ANK1: variants seen among roughly 807,000 people sequenced by gnomAD.
ANK1 encodes the protein ankyrin-1.
ANK1 carries 51 observed loss-of-function variants against 210.4 expected under a neutral mutation model. The ratio of observed to expected loss-of-function variants is 0.24; its 90% CI spans 0.19 to 0.31. The LOEUF is 0.31. Ranked by LOEUF, ANK1 falls within the 10% of genes least tolerant of loss-of-function variation. The pLI, the probability that ANK1 is intolerant of heterozygous loss-of-function variation, is 1.00. For synonymous variants in ANK1, 967 were observed against 1,025.9 expected (o/e 0.94, Z 1.10); for missense variants, 2,051 against 2,504.4 (o/e 0.82, Z 3.86).
In ANK1 at chr8:41,832,066, G is replaced by A. The variant is rs965909557; in HGVS notation, c.126+64289C>T. Reference sequence around the variant, plus strand: ...GCAGCACAAGAGAATTTTGCGGGGCGATGGATCTGTCTGTATCTTGACCAT... The same window carrying A: ...GCAGCACAAGAGAATTTTGCGGGGCAATGGATCTGTCTGTATCTTGACCAT... On this transcript the variant is annotated intron_variant, in intron 1 of 42. Coordinates refer to the ANK1 transcript ENST00000265709. 6.6e-5 allele frequency among the ~76,000 whole-genome samples: 10 copies of A among 152,178 alleles called. No individual in the cohort carries two copies. In the East Asian group the frequency reaches 7.7e-4, roughly 12 times the overall value.
chr8:41,775,228 A>G (rs6990073), intron 1 of ANK1, among the ~76,000 whole-genome samples: 147,957 of 152,342 alleles, frequency 0.97, 72,002 homozygotes, highest in East Asian at 1. Flanking sequence ...TGCCTGATAT[A>G]AGCTGCCATC....
chr8:41,702,427 AAGG>A (rs2150607755), intron 20 of ANK1, among the ~76,000 whole-genome samples: 1 of 152,238 alleles, frequency 6.6e-6, no homozygotes, highest in East Asian at 1.9e-4. Flanking sequence ...GAAATCTCCC[AAGG>A]AGAAGTCAGG....
At chr8:41,698,005 C>T (rs1213953391) in intron 24 of ANK1, 38 bp downstream of exon 24, 6 of 1,605,818 alleles carry the variant, frequency 3.7e-6, no homozygotes, top group South Asian at 3.3e-5. Flanking sequence ...GTTTTCATGC[C>T]CTCCATGTGG....
Position 41,663,649 on chromosome 8 carries a change from C to G in ANK1, c.5478+10G>C. On this transcript the variant is annotated intron_variant, in intron 40 of 42. Transcript: ENST00000289734. ...TCTCCCCAGCACAGAGGGGAACACT[C>G]TGCACCCACCTTCTTGGTGACAATG... 1 of 1,612,966 alleles carries G rather than the reference C, an allele frequency of 6.2e-7. No homozygotes were observed. Among genetic ancestry groups the G allele is most frequent in the Non-Finnish European group, 8.5e-7 (1 of 1,178,974 alleles).
intron 1 of ANK1, among the ~76,000 whole-genome samples, chr8:41,881,615 C>G (rs143537585): frequency 5.9e-5 from 9 of 152,180 alleles, no homozygotes; most frequent in African/African-American, 2.4e-5. Flanking sequence ...TTCTGTTTAG[C>G]CTTCTGCCTC....
rs186344734 is a variant in ANK1 at position 41,723,829 on chromosome 8, G to T, written c.712-196C>A. 8.8e-3 allele frequency among the ~76,000 whole-genome samples: 1,261 copies of T among 143,912 alleles called. 19 individuals carry two copies. Among genetic ancestry groups the T allele is most frequent in the African/African-American group, 0.032 (1,216 of 38,516 alleles). 94.4% of individuals were successfully genotyped at this position (143,912 alleles called of 152,430 possible). On this transcript the variant is annotated intron_variant, in intron 7 of 42. Transcript: ENST00000289734. ...TTTTGAGACGGAGTCTCGCTCTGTC[G>T]CCCAGGCTGGAGTGCAGTGGCGCGA... is the stretch of plus-strand genomic sequence containing the variant.
At chr8:41,840,531 TCCAGGTG>T (rs1808690808) in intron 1 of ANK1, among the ~76,000 whole-genome samples, 1 of 152,162 alleles carries the variant, frequency 6.6e-6, no homozygotes, top group African/African-American at 2.4e-5. Context: ...ACGTCAGAGG[TCCAGGTG>T]CCAGCAGATT....
At chr8:41,700,102 T>C (rs1419067018) in intron 22 of ANK1, among the ~76,000 whole-genome samples, 2 of 152,240 alleles carry the variant, frequency 1.3e-5, no homozygotes, top group African/African-American at 4.8e-5. Context: ...GCCCCGGCCC[T>C]CGACCTTGAG....
Position 41,696,699 on chromosome 8 carries a change from C to T in ANK1, c.2712G>A (p.Pro904=), listed in dbSNP as rs771017178. The part of the protein sequence containing the change: ...PATETSDNIS[P]VASPVHTGFL... ...ACCCTGTATGCACCGGGCTGGCCAC[C>T]GGGCTGATGTTGTCTGAGGTCTCGG... The change falls in exon 25 of 43, where the codon CCG becomes CCA. Residue 904 remains proline, a synonymous_variant. Coordinates refer to ENST00000289734, the MANE Select transcript of ANK1 (RefSeq NM_000037.4). 21 of 1,603,376 alleles carry T rather than the reference C, an allele frequency of 1.3e-5. No homozygotes were observed. The highest frequency in any genetic ancestry group is 2.2e-5 in the East Asian group (1 of 44,856).
upstream of ANK1, among the ~76,000 whole-genome samples, chr8:41,799,162 T>TTTGTTG (rs534992721): frequency 2.0e-5 from 3 of 152,050 alleles, no homozygotes; most frequent in South Asian, 2.1e-4. Context: ...ACAATGGCTG[T>TTTGTTG]TTGTTGTTGT....
intron 34 of ANK1, 54 bp downstream of exon 34, chr8:41,688,457 C>G: frequency 5.0e-6 from 8 of 1,589,332 alleles, no homozygotes; most frequent in Non-Finnish European, 6.9e-6. Context: ...GATGAGCTCA[C>G]GCCCACCCTT....
At chr8:41,663,255 G>C (rs1033599187) in intron 40 of ANK1, among the ~76,000 whole-genome samples, 1 of 152,104 alleles carries the variant, frequency 6.6e-6, no homozygotes, top group Admixed American at 6.5e-5. Context: ...AAAGTGCTGG[G>C]ATCACAGGTG....
At position 41,688,442 on chromosome 8, in the gene ANK1, G is replaced by A. The variant is rs1818296276; in HGVS notation, c.4183+69C>T. 1.1e-5 allele frequency: 17 copies of A among 1,561,514 alleles called. 1 individual carries two copies. The highest frequency in any genetic ancestry group is 5.6e-5 in the South Asian group (5 of 89,814). On this transcript the variant is annotated intron_variant, in intron 34 of 42. Coordinates refer to ENST00000289734, the MANE Select transcript of ANK1 (RefSeq NM_000037.4). Reference sequence around the variant, plus strand: ...CTCAGCAGAACCCTCACAGGGCTGCGGGGAGATGAGCTCACGCCCACCCTT... The same window carrying A: ...CTCAGCAGAACCCTCACAGGGCTGCAGGGAGATGAGCTCACGCCCACCCTT...
At chr8:41,769,820 T>C (rs1262008528) in intron 1 of ANK1, among the ~76,000 whole-genome samples, 1 of 152,136 alleles carries the variant, frequency 6.6e-6, no homozygotes, top group Non-Finnish European at 1.5e-5. Flanking sequence ...ATGATCTGTC[T>C]TAATTCAGAC....
intron 41 of ANK1, 48 bp downstream of exon 41, chr8:41,661,828 A>G: frequency 6.2e-7 from 1 of 1,614,038 alleles, no homozygotes; most frequent in East Asian, 2.2e-5. Flanking sequence ...AGTAATCAAT[A>G]TCGACCTCCA....
chr8:41,709,104 G>A, intron 16 of ANK1, 129 bp from the exon 17 acceptor site: 7 of 1,008,264 alleles, frequency 6.9e-6, no homozygotes, highest in Middle Eastern at 6.1e-4. Flanking sequence ...GCATCACCCA[G>A]GAGCAATTTA....
intron 1 of ANK1, among the ~76,000 whole-genome samples, chr8:41,838,004 C>A (rs1013009232): frequency 6.6e-6 from 1 of 152,242 alleles, no homozygotes; most frequent in Non-Finnish European, 1.5e-5. Flanking sequence ...TCAGACATCA[C>A]CTCCTCCACA....
chr8:41,771,854 A>T (rs775637345), intron 1 of ANK1, among the ~76,000 whole-genome samples: 1 of 152,202 alleles, frequency 6.6e-6, no homozygotes. Flanking sequence ...CAGTATAGAC[A>T]GGGACTCTGG....
intron 35 of ANK1, 55 bp downstream of exon 35, chr8:41,688,101 G>A: frequency 6.4e-7 from 1 of 1,553,568 alleles, no homozygotes. Context: ...CATTACAGGG[G>A]AAGAGGGTAG....
Sources: allele counts gnomAD v4.1 joint callset (sites outside exome capture counted in the v4.1 genomes callset), GRCh38; gene constraint gnomAD v4.1.1; transcripts MANE v1.5; gene names NCBI Gene and HGNC (gene_info 2026-07-23, HGNC 2026-07-21).